The following ELMO1 variants were observed in gnomAD, a reference collection of about 807,000 sequenced individuals.
ELMO1 encodes the protein engulfment and cell motility 1, also known as engulfment and cell motility protein 1.
Under a neutral mutation model 98.9 loss-of-function variants are expected in ELMO1, and 26 were observed. The ratio of observed to expected loss-of-function variants is 0.26; its 90% CI spans 0.19 to 0.36. ELMO1 has a LOEUF of 0.36. Ranked by LOEUF, ELMO1 falls within the 10% of genes least tolerant of loss-of-function variation. The pLI, the probability that ELMO1 is intolerant of heterozygous loss-of-function variation, is 1.00. For missense variants in ELMO1, 627 were observed against 935.2 expected, an observed-to-expected ratio of 0.67 and a Z score of 4.30; for synonymous variants, 346 against 346.0, an observed-to-expected ratio of 1.00 and a Z score of 0.00.
At chr7:37,128,444 C>T (rs1274168136) in intron 14 of ELMO1, among the ~76,000 whole-genome samples, 1 of 152,164 alleles carries the variant, frequency 6.6e-6, no homozygotes. Flanking sequence ...GTAAGTAAGA[C>T]TCGGAAGTCT....
chr7:36,885,598 A>G (rs1275077283), intron 18 of ELMO1, among the ~76,000 whole-genome samples: 1 of 152,164 alleles, frequency 6.6e-6, no homozygotes, highest in Non-Finnish European at 1.5e-5. Flanking sequence ...CTTATAAATC[A>G]TCTTTATGGG....
At chr7:36,931,015 T>C (rs151271660) in intron 16 of ELMO1, among the ~76,000 whole-genome samples, 1 of 152,338 alleles carries the variant, frequency 6.6e-6, no homozygotes, top group African/African-American at 2.4e-5. Context: ...ACTTCATTCA[T>C]TTTTGTCAAT....
intron 1 of ELMO1, among the ~76,000 whole-genome samples, chr7:37,379,049 T>C (rs549326942): frequency 7.3e-5 from 11 of 151,370 alleles, no homozygotes; most frequent in Admixed American, 1.3e-4. Context: ...TCTTCTTCTT[T>C]TTTTTTTTTA....
intron 1 of ELMO1, chr7:37,353,084 G>A (rs1222962062): frequency 6.6e-6 from 1 of 152,242 alleles, no homozygotes; most frequent in Non-Finnish European, 1.5e-5. Flanking sequence ...AATGCGTAAA[G>A]GAACCCCCCA....
At chr7:37,296,209 C>CA (rs1457307711) in intron 4 of ELMO1, among the ~76,000 whole-genome samples, 1 of 152,206 alleles carries the variant, frequency 6.6e-6, no homozygotes, top group East Asian at 1.9e-4. Context: ...CCCTCTTCCA[C>CA]ATTCACTCAG....
At chr7:36,887,759 GA>G in intron 17 of ELMO1, 87 bp from the exon 18 acceptor site, 1 of 1,155,704 alleles carries the variant, frequency 8.7e-7, no homozygotes, top group Middle Eastern at 1.9e-4. Flanking sequence ...GGGCAGGGGA[GA>G]ACAAGTGCAT....
At chr7:37,096,111 A>C (rs1431656118) in intron 15 of ELMO1, among the ~76,000 whole-genome samples, 1 of 152,226 alleles carries the variant, frequency 6.6e-6, no homozygotes, top group Non-Finnish European at 1.5e-5. Context: ...AATATTGCTG[A>C]CCACATTTTT....
At chr7:37,156,467 C>A (rs1389539950) in intron 13 of ELMO1, among the ~76,000 whole-genome samples, 1 of 151,968 alleles carries the variant, frequency 6.6e-6, no homozygotes, top group African/African-American at 2.4e-5. Flanking sequence ...CAAGTAGATG[C>A]AATAAAAAAT....
intron 15 of ELMO1, among the ~76,000 whole-genome samples, chr7:37,091,046 T>C (rs368074479): frequency 6.6e-6 from 1 of 152,220 alleles, no homozygotes; most frequent in Non-Finnish European, 1.5e-5. Context: ...AAGAGAGTAA[T>C]TGATCCATTT....
intron 13 of ELMO1, among the ~76,000 whole-genome samples, chr7:37,190,256 T>C (rs1791485487): frequency 6.6e-6 from 1 of 152,238 alleles, no homozygotes; most frequent in Non-Finnish European, 1.5e-5. Context: ...TCATTTGTTC[T>C]GCAGGTTGCA....
At chr7:37,151,183 G>A (rs1788332389) in intron 13 of ELMO1, among the ~76,000 whole-genome samples, 2 of 152,200 alleles carry the variant, frequency 1.3e-5, no homozygotes, top group African/African-American at 2.4e-5. Flanking sequence ...GCAATCTCAG[G>A]TCCTGAGGTC....
chr7:37,385,374 C>G (rs1411602942), intron 1 of ELMO1, among the ~76,000 whole-genome samples: 1 of 152,220 alleles, frequency 6.6e-6, no homozygotes, highest in African/African-American at 2.4e-5. Flanking sequence ...CCCTGCTATT[C>G]CCCAGCAGGC....
chr7:37,404,484 T>G (rs1803669663), intron 1 of ELMO1, among the ~76,000 whole-genome samples: 1 of 152,240 alleles, frequency 6.6e-6, no homozygotes, highest in Non-Finnish European at 1.5e-5. Context: ...TTGACATATC[T>G]GACAAACAAT....
chr7:37,173,980 A>T (rs1336959064), intron 13 of ELMO1, among the ~76,000 whole-genome samples: 1 of 152,156 alleles, frequency 6.6e-6, no homozygotes, highest in African/African-American at 2.4e-5. Flanking sequence ...TTGTGTCCTG[A>T]ATAATACCTT....
In ELMO1 at chr7:36,939,183, T is replaced by A. The variant is rs544691424; in HGVS notation, c.1438-44166A>T. On this transcript the variant is annotated intron_variant, in intron 16 of 21. Transcript: ENST00000310758. ...TTTAAGAAATGAGTTTTTTTTTTTTTATCTCCTAGCCACAGCATACAAAGG... is the reference window on the plus strand; with the variant it reads ...TTTAAGAAATGAGTTTTTTTTTTTTAATCTCCTAGCCACAGCATACAAAGG... 9.2e-5 allele frequency among the ~76,000 whole-genome samples: 14 copies of A among 151,922 alleles called. No individual in the cohort carries two copies. In the South Asian group the frequency reaches 1.2e-3, roughly 14 times the overall value.
chr7:37,384,636 C>T (rs1277562834), intron 1 of ELMO1, among the ~76,000 whole-genome samples: 3 of 151,496 alleles, frequency 2.0e-5, no homozygotes, highest in Admixed American at 1.3e-4. Flanking sequence ...AGGAGAGTGG[C>T]GTGAACCCGG....
chr7:36,981,897 C>T (rs1025383733), intron 16 of ELMO1, among the ~76,000 whole-genome samples: 2 of 152,082 alleles, frequency 1.3e-5, no homozygotes, highest in African/African-American at 4.8e-5. Flanking sequence ...GGTCCAGGTA[C>T]CTTGTGGAGG....
chr7:37,098,738 C>A (rs1784489045), intron 14 of ELMO1, among the ~76,000 whole-genome samples: 1 of 152,134 alleles, frequency 6.6e-6, no homozygotes, highest in Non-Finnish European at 1.5e-5. Context: ...AGAATAAGTT[C>A]CATTAATCAG....
chr7:37,131,131 T>G (rs182671503), intron 14 of ELMO1, among the ~76,000 whole-genome samples: 9 of 152,174 alleles, frequency 5.9e-5, no homozygotes, highest in African/African-American at 1.9e-4. Context: ...AGAATTTATA[T>G]ATGCTCTACT....
Sources: gnomAD v4.1 joint callset for allele counts (sites outside exome capture counted in the v4.1 genomes callset) on GRCh38, gnomAD v4.1.1 for gene constraint, MANE v1.5 for transcripts, NCBI Gene and HGNC (gene_info 2026-07-23, HGNC 2026-07-21) for gene names.